The following VPS53 variants were observed in gnomAD, a reference collection of about 807,000 sequenced individuals.
The protein encoded by VPS53 is vacuolar protein sorting-associated protein 53 homolog.
Under a neutral mutation model 107.0 loss-of-function variants are expected in VPS53, and 70 were observed. That is an observed-to-expected ratio of 0.65 (90% CI 0.54 to 0.80). The LOEUF (loss-of-function observed/expected upper bound fraction) is 0.80, where lower values mean the gene tolerates loss of function less well. Ranked by LOEUF, VPS53 falls within the 30% of genes least tolerant of loss-of-function variation. The pLI is 0.00. For missense variants in VPS53, 917 were observed against 1,049.4 expected, an observed-to-expected ratio of 0.87 and a Z score of 1.74; for synonymous variants, 409 against 393.3, an observed-to-expected ratio of 1.04 and a Z score of -0.47.
rs111916141 is a variant in VPS53, at chr17:541,957, C to T, written c.1867-4781G>A. 8.0e-4 allele frequency among the ~76,000 whole-genome samples: 116 copies of T among 144,782 alleles called. 4 individuals are homozygous for T. Among genetic ancestry groups the T allele is most frequent in the African/African-American group, 3.1e-3 (113 of 36,498 alleles). The allele number at this position is 144,782 out of a possible 152,430, so 95.0% of individuals were successfully genotyped here. A position where few individuals can be genotyped will look rare whatever the true frequency, so the allele number is the denominator to read the frequency against. On this transcript the variant is annotated intron_variant, in intron 17 of 21. Coordinates refer to ENST00000437048, the MANE Select transcript of VPS53 (RefSeq NM_001128159.3). ...TATCAAGCACCTACTACGCACCAGG[C>T]GCTGAAGGAATGTTTATCAAGCACC...
intron 16 of VPS53, 138 bp from the exon 17 acceptor site, chr17:552,088 A>C (rs1394812726): frequency 4.1e-6 from 3 of 727,802 alleles, no homozygotes; most frequent in African/African-American, 1.8e-5. Context: ...CAGCGGAGGA[A>C]CAGCTTGGCT....
intron 15 of VPS53, among the ~76,000 whole-genome samples, chr17:553,998 C>T (rs1227960960): frequency 6.6e-6 from 1 of 152,162 alleles, no homozygotes; most frequent in Admixed American, 6.6e-5. Flanking sequence ...AGAGCCTGTG[C>T]CCTTTAGCAC....
intron 11 of VPS53, among the ~76,000 whole-genome samples, 192 bp from the exon 12 acceptor site, chr17:602,088 C>A (rs371157396): frequency 1.3e-5 from 2 of 152,156 alleles, no homozygotes; most frequent in African/African-American, 2.4e-5. Flanking sequence ...GCAACCTCCC[C>A]GACCACCCCG....
intron 10 of VPS53, among the ~76,000 whole-genome samples, chr17:625,175 G>A (rs1969648581): frequency 6.6e-6 from 1 of 151,850 alleles, no homozygotes; most frequent in South Asian, 2.1e-4. Flanking sequence ...TTTTTGTAGA[G>A]ATGGGGTTTT....
intron 11 of VPS53, among the ~76,000 whole-genome samples, chr17:617,784 T>C (rs1969219445): frequency 7.0e-6 from 1 of 143,772 alleles, no homozygotes; most frequent in South Asian, 2.3e-4. Flanking sequence ...CCCGGGTAGC[T>C]GGGACTACAG....
chr17:687,259 C>T (rs1393024617), intron 4 of VPS53, among the ~76,000 whole-genome samples: 1 of 148,472 alleles, frequency 6.7e-6, no homozygotes, highest in Non-Finnish European at 1.5e-5. Flanking sequence ...GCACTCCAGC[C>T]TGGGTGACAC....
chr17:666,613 A>C (rs182997177), intron 4 of VPS53, among the ~76,000 whole-genome samples: 1 of 152,252 alleles, frequency 6.6e-6, no homozygotes, highest in Admixed American at 6.5e-5. Flanking sequence ...GCAGTGAGCC[A>C]AGATCGTGCC....
chr17:712,716 A>C (rs1973689909), intron 1 of VPS53, among the ~76,000 whole-genome samples: 1 of 152,200 alleles, frequency 6.6e-6, no homozygotes, highest in African/African-American at 2.4e-5. Flanking sequence ...TTCTTACAAA[A>C]TAGGAAAAAT....
intron 12 of VPS53, among the ~76,000 whole-genome samples, chr17:594,520 C>T (rs1967853632): frequency 6.7e-6 from 1 of 149,884 alleles, no homozygotes; most frequent in Non-Finnish European, 1.5e-5. Context: ...TTTAATGATG[C>T]ACTCTAGTGT....
intron 1 of VPS53, among the ~76,000 whole-genome samples, chr17:711,455 G>A (rs996045562): frequency 6.6e-6 from 1 of 152,202 alleles, no homozygotes; most frequent in Admixed American, 6.5e-5. Flanking sequence ...ACATCAAGAG[G>A]AGGTGGATGA....
At chr17:658,313 G>A (rs1410764596) in intron 5 of VPS53, among the ~76,000 whole-genome samples, 6 of 90,226 alleles carry the variant, frequency 6.6e-5, no homozygotes, top group African/African-American at 1.2e-4. Flanking sequence ...ACATCCCACT[G>A]AAGTGAGACA....
chr17:639,952 C>T (rs1214253995), intron 7 of VPS53, among the ~76,000 whole-genome samples: 2 of 152,234 alleles, frequency 1.3e-5, no homozygotes, highest in Admixed American at 6.5e-5. Context: ...TTTAAGTCTG[C>T]AGATGTTTCT....
At chr17:574,356 A>C (rs1392033652) in intron 13 of VPS53, among the ~76,000 whole-genome samples, 2 of 152,202 alleles carry the variant, frequency 1.3e-5, no homozygotes, top group African/African-American at 2.4e-5. Context: ...TACTTTGTAT[A>C]AATCAAGGCC....
At chr17:638,430 T>C (rs959095256) in intron 7 of VPS53, among the ~76,000 whole-genome samples, 1 of 152,202 alleles carries the variant, frequency 6.6e-6, no homozygotes, top group Non-Finnish European at 1.5e-5. Flanking sequence ...AGGTTAATAT[T>C]GTTATGTGTG....
chr17:534,477 G>C (rs1333164251), intron 18 of VPS53, among the ~76,000 whole-genome samples: 1 of 152,204 alleles, frequency 6.6e-6, no homozygotes, highest in Non-Finnish European at 1.5e-5. Flanking sequence ...GAGGTGGCTT[G>C]TGATCAGGAA....
At chr17:617,093 GATTACCAGCTC>G (rs1235000808) in intron 11 of VPS53, among the ~76,000 whole-genome samples, 1 of 152,198 alleles carries the variant, frequency 6.6e-6, no homozygotes, top group Non-Finnish European at 1.5e-5. Context: ...CGGTTATCTG[GATTACCAGCTC>G]ACAGAGCCTG....
At chr17:598,001 A>C in intron 12 of VPS53, among the ~76,000 whole-genome samples, 4 of 113,224 alleles carry the variant, frequency 3.5e-5, no homozygotes, top group African/African-American at 3.4e-5. Context: ...CTCTCTTTCC[A>C]CGGTCTCCCT....
intron 7 of VPS53, among the ~76,000 whole-genome samples, chr17:634,322 AGT>A (rs1267132228): frequency 1.3e-5 from 2 of 152,154 alleles, no homozygotes; most frequent in African/African-American, 4.8e-5. Flanking sequence ...AAAAATTACC[AGT>A]CTCTGATTTG....
intron 7 of VPS53, among the ~76,000 whole-genome samples, chr17:643,731 A>G (rs1234339953): frequency 2.0e-5 from 3 of 152,244 alleles, no homozygotes; most frequent in Middle Eastern, 3.4e-3. Context: ...TTGGAAAGTG[A>G]GGACAACACT....
Sources: gnomAD v4.1 joint callset for allele counts (sites outside exome capture counted in the v4.1 genomes callset) on GRCh38, gnomAD v4.1.1 for gene constraint, MANE v1.5 for transcripts, NCBI Gene and HGNC (gene_info 2026-07-23, HGNC 2026-07-21) for gene names.